The following ALK variants were observed in gnomAD, a reference collection of about 807,000 sequenced individuals.
The protein encoded by ALK is ALK receptor tyrosine kinase, also known as ALK tyrosine kinase receptor.
In ALK, 74 loss-of-function variants were observed where a neutral mutation model predicts 163.1. That is an observed-to-expected ratio of 0.45 (90% CI 0.38 to 0.55). The LOEUF is 0.55. Ranked by LOEUF, ALK falls within the 20% of genes least tolerant of loss-of-function variation. The pLI is 0.00. For synonymous variants in ALK, 960 were observed against 843.2 expected (o/e 1.14, Z -2.40); for missense variants, 2,063 against 2,105.3 (o/e 0.98, Z 0.39).
At chr2:29,205,180 G>A (rs1372362357) in intron 26 of ALK, among the ~76,000 whole-genome samples, 1 of 152,086 alleles carries the variant, frequency 6.6e-6, no homozygotes, top group African/African-American at 2.4e-5. Flanking sequence ...GGATATTATA[G>A]TTTTTTAGAA....
chr2:29,637,923 T>C (rs1429957259), intron 3 of ALK, among the ~76,000 whole-genome samples: 2 of 152,122 alleles, frequency 1.3e-5, no homozygotes, highest in Non-Finnish European at 2.9e-5. Flanking sequence ...AAAACATATA[T>C]AGTTGCTATT....
intron 1 of ALK, among the ~76,000 whole-genome samples, chr2:29,853,932 C>T (rs1175657988): frequency 6.7e-6 from 1 of 148,544 alleles, no homozygotes. Flanking sequence ...TTTCCTGAGA[C>T]AGAGTCTCAC....
intron 4 of ALK, among the ~76,000 whole-genome samples, chr2:29,526,152 TG>T (rs768277371): frequency 6.6e-6 from 1 of 152,098 alleles, no homozygotes. Context: ...ACAGACAGCC[TG>T]GGAGGCAGGG....
At position 29,275,206 on chromosome 2, in the gene ALK, A is replaced by T; in HGVS notation, c.1934T>A (p.Leu645Gln). ...TCTTGATTTGGGTGCTGTATTCTGC[A>T]GGATCTTGTCCTCTCCGCTAACTGC... ...YLTISGEDKILQNTAPKSRNL... is the reference protein window; with the variant it reads ...YLTISGEDKIQQNTAPKSRNL... The change falls in exon 11 of 29, where the codon CTG (leucine) becomes CAG (glutamine). Residue 645 changes from leucine (L) to glutamine (Q), a missense_variant. By Grantham distance (113) the Leu-to-Gln change is moderately radical (BLOSUM62 -2). Transcript: ENST00000389048. 6.2e-7 allele frequency: 1 copy of T among 1,614,164 alleles called. No homozygotes were observed. The highest frequency in any genetic ancestry group is 8.5e-7 in the Non-Finnish European group (1 of 1,180,032).
intron 1 of ALK, among the ~76,000 whole-genome samples, chr2:29,828,640 G>A (rs180955033): frequency 9.9e-4 from 151 of 152,268 alleles, no homozygotes; most frequent in Non-Finnish European, 1.6e-3. Flanking sequence ...TTAGAATGGC[G>A]ATCATTAAAA....
Position 29,222,551 on chromosome 2 carries a change from G to T in ALK, c.3416C>A (p.Pro1139His), listed in dbSNP as rs769855519. The change falls in exon 21 of 29, where the codon CCC becomes CAC. Residue 1139 changes from proline to histidine, a missense_variant. Around this residue, in one of 5 missense-constraint regions of ALK, gnomAD observed 575 missense variants for 626.6 expected, o/e 0.92. Coordinates refer to ENST00000389048, the MANE Select transcript of ALK (RefSeq NM_004304.5). Reference protein sequence around the residue: ...EVYEGQVSGMPNDPSPLQVAV... With the variant: ...EVYEGQVSGMHNDPSPLQVAV... ...CACTTGCAGGGGGCTTGGGTCGTTG[G>T]GCATTCCGGACACCTGGCCTTCATA... 6.2e-7 allele frequency: 1 copy of T among 1,614,086 alleles called. No individual in the cohort carries two copies. The highest frequency in any genetic ancestry group is 8.5e-7 in the Non-Finnish European group (1 of 1,180,008).
intron 5 of ALK, among the ~76,000 whole-genome samples, chr2:29,360,058 C>A (rs1311460367): frequency 1.3e-5 from 2 of 152,174 alleles, no homozygotes; most frequent in Non-Finnish European, 2.9e-5. Flanking sequence ...GAACCTTTTT[C>A]TAAGAATGTG....
chr2:29,242,191 C>A (rs1664542333), intron 12 of ALK, among the ~76,000 whole-genome samples: 2 of 152,146 alleles, frequency 1.3e-5, no homozygotes, highest in South Asian at 4.1e-4. Flanking sequence ...TGTGGATGGG[C>A]CCCAACTCTG....
At chr2:29,823,093 T>C (rs1254576506) in intron 1 of ALK, among the ~76,000 whole-genome samples, 1 of 152,214 alleles carries the variant, frequency 6.6e-6, no homozygotes, top group Admixed American at 6.5e-5. Context: ...GTTCTCCTGA[T>C]AGTGAATAAG....
At chr2:29,424,147 C>T (rs796995222) in intron 4 of ALK, among the ~76,000 whole-genome samples, 9 of 152,144 alleles carry the variant, frequency 5.9e-5, no homozygotes, top group African/African-American at 2.2e-4. Flanking sequence ...AAAGATAAAG[C>T]TCAGTTTTGG....
chr2:29,413,889 T>C (rs909998382), intron 4 of ALK, among the ~76,000 whole-genome samples: 2 of 152,188 alleles, frequency 1.3e-5, no homozygotes, highest in African/African-American at 4.8e-5. Context: ...TCTGCCGAAC[T>C]CCTGACCTCA....
At chr2:29,328,566 G>A (rs2148258633) in intron 5 of ALK, 85 bp from the exon 6 acceptor site, 1 of 1,569,380 alleles carries the variant, frequency 6.4e-7, no homozygotes, top group Non-Finnish European at 8.8e-7. Context: ...CCATGGGCAG[G>A]CTGCAGGGAC....
rs2148301344 is a variant in ALK, at chr2:29,383,712, G to A, written c.1282+20C>T. 1 of 1,613,976 alleles carries A rather than the reference G, an allele frequency of 6.2e-7. No individual in the cohort carries two copies. Among genetic ancestry groups the A allele is most frequent in the Non-Finnish European group, 8.5e-7 (1 of 1,179,922 alleles). On this transcript the variant is annotated intron_variant, in intron 5 of 28. Transcript: ENST00000389048. ...ACACAATAGGCTACCAAGGAGCGTG[G>A]GAAAGCCAGATTCAGATACCTTCAC...
At chr2:29,473,796 C>G (rs528783431) in intron 4 of ALK, among the ~76,000 whole-genome samples, 101 of 152,208 alleles carry the variant, frequency 6.6e-4, no homozygotes, top group South Asian at 6.4e-3. Flanking sequence ...GCAGAAGTTG[C>G]AGTGATCCAA....
At chr2:29,470,341 C>T (rs72794413) in intron 4 of ALK, among the ~76,000 whole-genome samples, 24,133 of 132,638 alleles carry the variant, frequency 0.18, 2,111 homozygotes, top group East Asian at 0.35. Flanking sequence ...GAAATACTGG[C>T]TGACAATTTT....
rs114690199 is a variant in ALK, at chr2:29,796,524, T to C, written c.668-78827A>G. ...TACCTGTTCTCTAGTTTCATTATGATCACTGACAACAGAATGGATTCATTT... is the reference window on the plus strand; with the variant it reads ...TACCTGTTCTCTAGTTTCATTATGACCACTGACAACAGAATGGATTCATTT... On this transcript the variant is annotated intron_variant, in intron 1 of 28. Coordinates refer to ENST00000389048, the MANE Select transcript of ALK (RefSeq NM_004304.5). Among the ~76,000 whole-genome samples, 897 of 152,324 alleles carry C rather than the reference T, an allele frequency of 5.9e-3. 13 individuals carry two copies. The highest frequency in any genetic ancestry group is 0.02 in the African/African-American group (822 of 41,568).
chr2:29,265,366 T>C (rs976234221), intron 11 of ALK, among the ~76,000 whole-genome samples: 1 of 152,144 alleles, frequency 6.6e-6, no homozygotes, highest in Non-Finnish European at 1.5e-5. Flanking sequence ...CTTAGCAGCG[T>C]GGCCACTCCC....
At chr2:29,447,030 A>G (rs1393272771) in intron 4 of ALK, among the ~76,000 whole-genome samples, 1 of 152,220 alleles carries the variant, frequency 6.6e-6, no homozygotes, top group Non-Finnish European at 1.5e-5. Flanking sequence ...ACTCACTGGA[A>G]GAGGAGTAAG....
intron 2 of ALK, among the ~76,000 whole-genome samples, chr2:29,705,870 A>G (rs1678897794): frequency 6.6e-6 from 1 of 152,224 alleles, no homozygotes; most frequent in African/African-American, 2.4e-5. Context: ...GGAGTCAGCA[A>G]TGGCAGAGAG....
Sources: allele counts gnomAD v4.1 joint callset (sites outside exome capture counted in the v4.1 genomes callset), GRCh38; gene constraint gnomAD v4.1.1; regional missense constraint gnomAD v4.1.1; transcripts MANE v1.5; gene names NCBI Gene and HGNC (gene_info 2026-07-23, HGNC 2026-07-21).